The following HHAT variants were observed in gnomAD, a reference collection of about 807,000 sequenced individuals.
HHAT encodes the protein hedgehog acyltransferase, also known as protein-cysteine N-palmitoyltransferase HHAT.
In HHAT, 47 loss-of-function variants were observed where a neutral mutation model predicts 70.8. The ratio of observed to expected loss-of-function variants is 0.66; its 90% CI spans 0.53 to 0.85. HHAT has a LOEUF of 0.85. HHAT is among the 40% of genes least tolerant of loss of function. The pLI is 0.00. For synonymous variants in HHAT, 228 were observed against 247.6 expected (o/e 0.92, Z 0.74); for missense variants, 609 against 604.8 (o/e 1.01, Z -0.07).
intron 6 of HHAT, among the ~76,000 whole-genome samples, chr1:210,417,831 A>G (rs1037708934): frequency 6.6e-6 from 1 of 152,086 alleles, no homozygotes; most frequent in Non-Finnish European, 1.5e-5. Flanking sequence ...CAGTGGGGAA[A>G]ATACACTGAG....
chr1:210,391,918 G>A (rs1291518554), intron 4 of HHAT, among the ~76,000 whole-genome samples: 2 of 152,080 alleles, frequency 1.3e-5, no homozygotes, highest in Non-Finnish European at 1.5e-5. Context: ...TGCCCAGGCT[G>A]GAGTGCAGTG....
chr1:210,555,548 G>T (rs1019425611), intron 9 of HHAT, among the ~76,000 whole-genome samples: 1 of 152,222 alleles, frequency 6.6e-6, no homozygotes, highest in Non-Finnish European at 1.5e-5. Context: ...GTTGGGGGCA[G>T]TTAGGAAATT....
At chr1:210,669,889 T>C (rs1679738544) in intron 11 of HHAT, among the ~76,000 whole-genome samples, 1 of 151,980 alleles carries the variant, frequency 6.6e-6, no homozygotes, top group Admixed American at 6.5e-5. Context: ...AGTATGTATG[T>C]TGGGAGGATG....
intron 7 of HHAT, among the ~76,000 whole-genome samples, chr1:210,426,546 C>G (rs918259076): frequency 2.6e-5 from 4 of 152,142 alleles, no homozygotes; most frequent in Admixed American, 2.0e-4. Context: ...AGTGTTTAAC[C>G]ATGAATGGAT....
At chr1:210,438,386 C>T (rs1185418639) in intron 7 of HHAT, among the ~76,000 whole-genome samples, 3 of 151,686 alleles carry the variant, frequency 2.0e-5, no homozygotes, top group Non-Finnish European at 4.4e-5. Context: ...CTCCAAATTC[C>T]GAAGAGGTCT....
intron 11 of HHAT, among the ~76,000 whole-genome samples, chr1:210,670,871 T>C (rs566326168): frequency 6.6e-6 from 1 of 152,098 alleles, no homozygotes; most frequent in African/African-American, 2.4e-5. Flanking sequence ...TGAGCTGTCA[T>C]TGTGTAGATG....
chr1:210,562,259 G>A (rs1213505199), intron 9 of HHAT, among the ~76,000 whole-genome samples: 2 of 152,056 alleles, frequency 1.3e-5, no homozygotes, highest in African/African-American at 4.8e-5. Context: ...GAAGGTAGTT[G>A]GAAAGGATAT....
At chr1:210,660,302 C>A (rs910431722) in intron 11 of HHAT, among the ~76,000 whole-genome samples, 4 of 152,152 alleles carry the variant, frequency 2.6e-5, no homozygotes, top group African/African-American at 9.7e-5. Context: ...CATGAGTGAA[C>A]TCCCATTCAC....
At chr1:210,423,432 C>A (rs921712204) in intron 7 of HHAT, among the ~76,000 whole-genome samples, 1 of 152,098 alleles carries the variant, frequency 6.6e-6, no homozygotes, top group Non-Finnish European at 1.5e-5. Flanking sequence ...GTTGAGATGT[C>A]TGAGTTCCTT....
intron 3 of HHAT, among the ~76,000 whole-genome samples, chr1:210,378,587 G>A (rs1207246044): frequency 1.3e-5 from 2 of 152,020 alleles, no homozygotes; most frequent in Non-Finnish European, 2.9e-5. Flanking sequence ...TGGAGTACAT[G>A]TGATACTTTG....
chr1:210,418,726 G>A (rs1428824953), intron 7 of HHAT, among the ~76,000 whole-genome samples: 1 of 152,090 alleles, frequency 6.6e-6, no homozygotes, highest in Non-Finnish European at 1.5e-5. Context: ...CTTGTTCTTT[G>A]TGCATAAGGT....
intron 2 of HHAT, among the ~76,000 whole-genome samples, chr1:210,357,645 C>T (rs979387459): frequency 3.3e-5 from 5 of 152,062 alleles, no homozygotes; most frequent in African/African-American, 1.2e-4. Flanking sequence ...CATGGTGAAA[C>T]CCCGTCTCTA....
intron 11 of HHAT, among the ~76,000 whole-genome samples, chr1:210,658,722 A>T (rs988618726): frequency 4.6e-5 from 7 of 152,232 alleles, no homozygotes; most frequent in African/African-American, 1.4e-4. Context: ...AAGAAGAGAA[A>T]TCACAACGAA....
chr1:210,378,026 G>T (rs1381016659), intron 3 of HHAT, among the ~76,000 whole-genome samples: 1 of 152,230 alleles, frequency 6.6e-6, no homozygotes, highest in Non-Finnish European at 1.5e-5. Context: ...GCAGTAAAAT[G>T]ATTTAGTTCA....
chr1:210,474,332 C>T (rs920933897), intron 8 of HHAT, among the ~76,000 whole-genome samples: 13 of 152,106 alleles, frequency 8.5e-5, no homozygotes, highest in Non-Finnish European at 1.5e-4. Context: ...GCTCTGTTGC[C>T]GAGGCTAGAT....
At position 210,367,465 on chromosome 1, in the gene HHAT, C is replaced by CA. The variant is rs1471394134; in HGVS notation, c.159+4552dup. On this transcript the variant is annotated intron_variant, in intron 3 of 11. Transcript: ENST00000261458. ...GAGTAGGGAGACACCATTCTGGGCA[C>CA]AAAAAATCACAAACTGCTTCTGGGA... Among the ~76,000 whole-genome samples the CA allele has an allele frequency of 3.9e-5, 6 of 152,200 alleles. No homozygotes were observed. In the East Asian group the frequency reaches 1.2e-3, roughly 29 times the overall value.
At chr1:210,473,685 C>T (rs776235130) in intron 8 of HHAT, among the ~76,000 whole-genome samples, 6 of 152,202 alleles carry the variant, frequency 3.9e-5, no homozygotes, top group Non-Finnish European at 8.8e-5. Context: ...GACTTAATTT[C>T]TCCTGCCATT....
intron 1 of HHAT, among the ~76,000 whole-genome samples, chr1:210,339,175 C>T (rs947461116): frequency 6.6e-6 from 1 of 152,110 alleles, no homozygotes; most frequent in Admixed American, 6.5e-5. Context: ...GACCAAAAGG[C>T]AATAGAGACT....
intron 9 of HHAT, among the ~76,000 whole-genome samples, chr1:210,535,330 T>G (rs1315207671): frequency 6.7e-6 from 1 of 149,852 alleles, no homozygotes; most frequent in Non-Finnish European, 1.5e-5. Flanking sequence ...TGGAAGAACT[T>G]GGTGGTACTG....
Sources: allele counts gnomAD v4.1 joint callset (sites outside exome capture counted in the v4.1 genomes callset), GRCh38; gene constraint gnomAD v4.1.1; transcripts MANE v1.5; gene names NCBI Gene and HGNC (gene_info 2026-07-23, HGNC 2026-07-21).